Variants in ADAD1 observed in about 807,000 individuals in gnomAD.
The protein encoded by ADAD1 is adenosine deaminase domain-containing protein 1.
A neutral mutation model predicts 66.8 loss-of-function variants in ADAD1; 46 were observed. The ratio of observed to expected loss-of-function variants is 0.69; its 90% CI spans 0.54 to 0.88. The LOEUF is 0.88. Ranked by LOEUF, ADAD1 falls within the 40% of genes least tolerant of loss-of-function variation. The pLI is 0.00. For missense variants in ADAD1, 617 were observed against 681.8 expected (o/e 0.91, Z 1.06); for synonymous variants, 248 against 229.4 (o/e 1.08, Z -0.73).
At chr4:122,413,047 A>G (rs1199152948) in intron 10 of ADAD1, among the ~76,000 whole-genome samples, 1 of 152,088 alleles carries the variant, frequency 6.6e-6, no homozygotes, top group Non-Finnish European at 1.5e-5. Flanking sequence ...AGTTGTAGTG[A>G]CCGTCCAGCT....
chr4:122,424,954 G>T (rs1323220184), intron 12 of ADAD1, among the ~76,000 whole-genome samples: 2 of 152,036 alleles, frequency 1.3e-5, no homozygotes, highest in African/African-American at 4.8e-5. Context: ...ATGAAGAGGA[G>T]AAATATTGCT....
chr4:122,408,845 T>A (rs150107889), intron 8 of ADAD1, among the ~76,000 whole-genome samples: 2 of 151,928 alleles, frequency 1.3e-5, no homozygotes, highest in Non-Finnish European at 2.9e-5. Flanking sequence ...ACTGCTCCAC[T>A]GCTCTCCATC....
intron 10 of ADAD1, among the ~76,000 whole-genome samples, chr4:122,414,266 C>CT (rs201133179): frequency 1.4e-4 from 9 of 63,454 alleles, no homozygotes; most frequent in Non-Finnish European, 2.3e-4. Context: ...TTCCAAATGT[C>CT]TTTTTTTTTG....
chr4:122,379,649 C>G (rs571765257), intron 2 of ADAD1: 140 of 155,410 alleles, frequency 9.0e-4, no homozygotes, highest in African/African-American at 1.2e-3. Flanking sequence ...AGCAGCTGCC[C>G]GTCTTCCCAC....
intron 5 of ADAD1, among the ~76,000 whole-genome samples, chr4:122,388,279 T>C (rs576291122): frequency 3.5e-4 from 53 of 152,350 alleles, no homozygotes; most frequent in Middle Eastern, 6.8e-3. Flanking sequence ...CAGTATTTCA[T>C]TGAAGATTTT....
rs78775231 is a variant in ADAD1 at position 122,416,740 on chromosome 4, G to GA, written c.1487+1134dup. ...AGAGTGAGACCCTATCTCAAAAAGG[G>GA]AAAAAAAAAAGAAAAAAACAGACAA... is the stretch of plus-strand genomic sequence containing the variant. On this transcript the variant is annotated intron_variant, in intron 11 of 12. Transcript: ENST00000296513. Among the ~76,000 whole-genome samples the GA allele has an allele frequency of 3.4e-3, 483 of 141,416 alleles. 3 individuals carry two copies. The highest frequency in any genetic ancestry group is 0.01 in the African/African-American group (387 of 38,480). The allele number at this position is 141,416 out of a possible 152,430, so 92.8% of individuals were successfully genotyped here.
Position 122,404,465 on chromosome 4 carries a change from C to G in ADAD1, c.725-3443C>G, listed in dbSNP as rs373019282. 2.2e-4 allele frequency among the ~76,000 whole-genome samples: 33 copies of G among 152,214 alleles called. 1 individual carries two copies. The South Asian group carries it at 6.6e-3, about 31-fold the overall frequency. ...CTCCTGTGATCTGGATTTTTAGGTT[C>G]CCCAGTAGGGATGTGTGTTCAGAGG... On this transcript the variant is annotated intron_variant, in intron 7 of 12. Coordinates refer to ENST00000296513, the MANE Select transcript of ADAD1 (RefSeq NM_139243.4).
At chr4:122,407,854 T>G (rs991302368) in intron 7 of ADAD1, 54 bp from the exon 8 acceptor site, 1 of 1,585,428 alleles carries the variant, frequency 6.3e-7, no homozygotes, top group Non-Finnish European at 8.6e-7. Flanking sequence ...AAGAGGTGAA[T>G]GTAGGGAAGA....
intron 12 of ADAD1, among the ~76,000 whole-genome samples, chr4:122,423,222 G>T (rs569795075): frequency 6.6e-6 from 1 of 152,164 alleles, no homozygotes; most frequent in African/African-American, 2.4e-5. Flanking sequence ...AGTTTTGTTG[G>T]CTTAAATGCC....
chr4:122,414,637 T>G (rs1796644309), intron 10 of ADAD1, among the ~76,000 whole-genome samples: 1 of 152,104 alleles, frequency 6.6e-6, no homozygotes, highest in African/African-American at 2.4e-5. Context: ...ACTTTATTTG[T>G]GAAATATGTC....
chr4:122,405,185 G>A (rs947518944), intron 7 of ADAD1, among the ~76,000 whole-genome samples: 5 of 152,180 alleles, frequency 3.3e-5, no homozygotes, highest in African/African-American at 1.2e-4. Flanking sequence ...AGGAATGAAA[G>A]CAGAGTCTGT....
intron 7 of ADAD1, among the ~76,000 whole-genome samples, chr4:122,400,960 T>C (rs1208517494): frequency 6.6e-6 from 1 of 152,106 alleles, no homozygotes; most frequent in Non-Finnish European, 1.5e-5. Flanking sequence ...TTTCGTTTCA[T>C]TTATCTTTTG....
intron 3 of ADAD1, 54 bp downstream of exon 3, chr4:122,380,295 G>A: frequency 2.0e-5 from 31 of 1,549,218 alleles, no homozygotes; most frequent in Non-Finnish European, 2.6e-5. Context: ...TTCTAGGATG[G>A]CCAGTAAGTT....
chr4:122,415,228 A>T (rs1007378340), intron 10 of ADAD1, 151 bp from the exon 11 acceptor site: 1 of 612,642 alleles, frequency 1.6e-6, no homozygotes, highest in African/African-American at 1.9e-5. Context: ...AAGAATATGG[A>T]GTAGATGCTA....
chr4:122,407,256 AG>A (rs1190630665), intron 7 of ADAD1, among the ~76,000 whole-genome samples: 2 of 150,336 alleles, frequency 1.3e-5, no homozygotes, highest in African/African-American at 2.5e-5. Flanking sequence ...GGGAAAAAAA[AG>A]AGTGATCTAG....
chr4:122,405,921 T>TG (rs1466027543), intron 7 of ADAD1, among the ~76,000 whole-genome samples: 5 of 152,188 alleles, frequency 3.3e-5, no homozygotes, highest in East Asian at 3.9e-4. Context: ...TTCTTCTTTT[T>TG]GGGGGGGCTG....
At chr4:122,403,998 A>G (rs1293166036) in intron 7 of ADAD1, among the ~76,000 whole-genome samples, 2 of 152,132 alleles carry the variant, frequency 1.3e-5, no homozygotes, top group African/African-American at 2.4e-5. Context: ...CACACAGCCA[A>G]CAAGGCCAGT....
intron 11 of ADAD1, among the ~76,000 whole-genome samples, chr4:122,416,543 A>G (rs1454248357): frequency 6.6e-6 from 1 of 152,132 alleles, no homozygotes. Context: ...TCTGGGAAAC[A>G]TAGTGAGAAA....
intron 5 of ADAD1, among the ~76,000 whole-genome samples, chr4:122,386,833 A>T (rs534277185): frequency 4.6e-5 from 7 of 152,288 alleles, no homozygotes; most frequent in South Asian, 2.1e-4. Context: ...TTTGTTGAAG[A>T]TCAGATGGTT....
Sources: allele counts gnomAD v4.1 joint callset (sites outside exome capture counted in the v4.1 genomes callset), GRCh38; gene constraint gnomAD v4.1.1; transcripts MANE v1.5; gene names NCBI Gene and HGNC (gene_info 2026-07-23, HGNC 2026-07-21).